The following SEMA3D variants were observed in gnomAD, a reference collection of about 807,000 sequenced individuals.
SEMA3D encodes semaphorin 3D.
SEMA3D carries 84 observed loss-of-function variants against 100.1 expected under a neutral mutation model. The observed-to-expected ratio is 0.84, with a 90% CI of 0.70 to 1.01. The LOEUF (loss-of-function observed/expected upper bound fraction) is 1.01, where lower values mean the gene tolerates loss of function less well. SEMA3D is among the 50% of genes least tolerant of loss of function. The pLI is 0.00. For synonymous variants in SEMA3D, 312 were observed against 320.7 expected, an observed-to-expected ratio of 0.97 and a Z score of 0.29; for missense variants, 875 against 934.1, an observed-to-expected ratio of 0.94 and a Z score of 0.82.
At chr7:85,228,863 T>A in the SEMA3D span, among the ~76,000 whole-genome samples, 1 of 152,098 alleles carries the variant, frequency 6.6e-6, no homozygotes, top group African/African-American at 2.4e-5. Flanking sequence ...AAAACCCGTT[T>A]AATGTCTCTG....
rs1789498438 is a variant in SEMA3D at position 84,996,317 on chromosome 7, T to C, written c.*3123A>G. The C allele has an allele frequency of 6.6e-6, 1 of 151,986 alleles. No homozygotes were observed. Among genetic ancestry groups the C allele is most frequent in the Non-Finnish European group, 1.5e-5 (1 of 67,882 alleles). The allele number at this position is 151,986 out of a possible 1,614,324, so 9.4% of individuals were successfully genotyped here. On this transcript the variant is annotated 3_prime_UTR_variant, in exon 19 of 19. Transcript: ENST00000284136. ...TACTAGAATATGAAGAACCAAAATA[T>C]GAACCAAAAGCAAAATTCAAGAGTA...
At chr7:85,050,114 CACACACAG>C (rs1282568971) in intron 9 of SEMA3D, among the ~76,000 whole-genome samples, 6 of 146,160 alleles carry the variant, frequency 4.1e-5, no homozygotes, top group South Asian at 4.3e-4. Context: ...CACACACACA[CACACACAG>C]AGACAGAGTA....
chr7:85,073,025 A>G lies in SEMA3D; in HGVS notation c.432T>C (p.Tyr144=). 2 of 1,611,364 alleles carry G rather than the reference A, an allele frequency of 1.2e-6. No homozygotes were observed. The highest frequency in any genetic ancestry group is 1.7e-6 in the Non-Finnish European group (2 of 1,177,746). The part of the protein sequence containing the change: ...VLQPYNKTHI[Y]VCGTGAFHPI... ...GATGAAATGCTCCAGTTCCACACACATATATGTGAGTTTTGTTATAGGGCT... is the reference window on the plus strand; with the variant it reads ...GATGAAATGCTCCAGTTCCACACACGTATATGTGAGTTTTGTTATAGGGCT... Residue 144 remains tyrosine (Y), a synonymous_variant, in exon 6 of 19, where the codon TAT becomes TAC. Transcript: ENST00000284136.
At chr7:85,242,810 T>C in the SEMA3D span, among the ~76,000 whole-genome samples, 1 of 152,190 alleles carries the variant, frequency 6.6e-6, no homozygotes, top group Non-Finnish European at 1.5e-5. Context: ...ATGACATTTT[T>C]CTTTCTCTGA....
At chr7:85,077,519 G>C (rs1787908341) in intron 5 of SEMA3D, among the ~76,000 whole-genome samples, 1 of 151,938 alleles carries the variant, frequency 6.6e-6, no homozygotes, top group Non-Finnish European at 1.5e-5. Context: ...AAAAAAATAT[G>C]GGCCGCAGGG....
At chr7:85,072,325 T>C (rs182158407) in intron 6 of SEMA3D, among the ~76,000 whole-genome samples, 178 of 152,362 alleles carry the variant, frequency 1.2e-3, no homozygotes, top group African/African-American at 4.0e-3. Flanking sequence ...TGCCAATGAC[T>C]ATACACTTTT....
chr7:85,135,198 A>G (rs1442404767), intron 2 of SEMA3D, among the ~76,000 whole-genome samples: 1 of 152,098 alleles, frequency 6.6e-6, no homozygotes, highest in Non-Finnish European at 1.5e-5. Flanking sequence ...TTTGCATTTG[A>G]ATTAATGTAC....
chr7:85,149,511 G>A (rs575081969), intron 2 of SEMA3D, among the ~76,000 whole-genome samples: 2 of 152,144 alleles, frequency 1.3e-5, no homozygotes, highest in Non-Finnish European at 2.9e-5. Context: ...AGTAACACTT[G>A]CCTCAAACAA....
chr7:85,161,377 A>C, intron 1 of SEMA3D, among the ~76,000 whole-genome samples: 1 of 152,122 alleles, frequency 6.6e-6, no homozygotes, highest in Non-Finnish European at 1.5e-5. Flanking sequence ...GTAAATATAA[A>C]ATATATAAAT....
chr7:85,242,332 C>A, the SEMA3D span, among the ~76,000 whole-genome samples: 1 of 152,046 alleles, frequency 6.6e-6, no homozygotes, highest in African/African-American at 2.4e-5. Context: ...CTCATCACTG[C>A]TTTTACTGCA....
At chr7:85,181,190 C>T (rs1406113305) in intron 1 of SEMA3D, among the ~76,000 whole-genome samples, 2 of 152,136 alleles carry the variant, frequency 1.3e-5, no homozygotes, top group Non-Finnish European at 2.9e-5. Context: ...TACCCCACGC[C>T]AATCTTGCTT....
At chr7:85,095,201 T>C (rs138425418) in intron 4 of SEMA3D, among the ~76,000 whole-genome samples, 1 of 152,132 alleles carries the variant, frequency 6.6e-6, no homozygotes, top group Admixed American at 6.6e-5. Context: ...TAAAAAGATA[T>C]TATTAAATGA....
chr7:85,167,409 T>C (rs1445555673), intron 1 of SEMA3D: 4 of 983,000 alleles, frequency 4.1e-6, no homozygotes, highest in African/African-American at 1.7e-5. Context: ...GGTTGTGTTA[T>C]AAATTTTCAC....
At chr7:85,171,973 G>T (rs1046169315) in intron 1 of SEMA3D, among the ~76,000 whole-genome samples, 5 of 151,068 alleles carry the variant, frequency 3.3e-5, no homozygotes, top group African/African-American at 1.2e-4. Flanking sequence ...GTGTGTGTGG[G>T]TGTGTGTGTG....
At chr7:85,105,291 C>A (rs777453403) in intron 3 of SEMA3D, among the ~76,000 whole-genome samples, 1 of 152,002 alleles carries the variant, frequency 6.6e-6, no homozygotes, top group Non-Finnish European at 1.5e-5. Context: ...AGCTTCTGCC[C>A]ATAACTTCCA....
chr7:85,141,254 A>C (rs1429307116), intron 2 of SEMA3D: 2 of 984,298 alleles, frequency 2.0e-6, no homozygotes, highest in Admixed American at 6.2e-5. Flanking sequence ...GAAGAGGGAC[A>C]AGTTCAAGTT....
chr7:85,163,311 A>T (rs1023089745), intron 1 of SEMA3D, among the ~76,000 whole-genome samples: 1 of 152,136 alleles, frequency 6.6e-6, no homozygotes, highest in African/African-American at 2.4e-5. Flanking sequence ...AATATCACCC[A>T]CCACACAATA....
intron 9 of SEMA3D, among the ~76,000 whole-genome samples, chr7:85,045,811 C>A (rs977574077): frequency 6.6e-6 from 1 of 151,888 alleles, no homozygotes; most frequent in Non-Finnish European, 1.5e-5. Context: ...ATTTCCCCAT[C>A]TTTCTCATGG....
the SEMA3D span, among the ~76,000 whole-genome samples, chr7:85,201,041 G>C: frequency 6.6e-6 from 1 of 152,122 alleles, no homozygotes; most frequent in Non-Finnish European, 1.5e-5. Context: ...GAGAAGTTTG[G>C]GTATGTGGAT....
Sources: allele counts gnomAD v4.1 joint callset (sites outside exome capture counted in the v4.1 genomes callset), GRCh38; gene constraint gnomAD v4.1.1; transcripts MANE v1.5; gene names NCBI Gene and HGNC (gene_info 2026-07-23, HGNC 2026-07-21).